Variants in ASAP1 observed in about 807,000 individuals in gnomAD.
ASAP1 encodes arf-GAP with SH3 domain, ANK repeat and PH domain-containing protein 1.
In ASAP1, 43 loss-of-function variants were observed where a neutral mutation model predicts 145.2. That is an observed-to-expected ratio of 0.30 (90% CI 0.23 to 0.38). The LOEUF (loss-of-function observed/expected upper bound fraction) is 0.38, where lower values mean the gene tolerates loss of function less well. Ranked by LOEUF, ASAP1 falls within the 10% of genes least tolerant of loss-of-function variation. The pLI is 1.00. For synonymous variants in ASAP1, 546 were observed against 515.5 expected (o/e 1.06, Z -0.80); for missense variants, 1,018 against 1,355.3 (o/e 0.75, Z 3.91).
intron 1 of ASAP1, among the ~76,000 whole-genome samples, chr8:130,405,673 G>C (rs906462440): frequency 3.3e-5 from 5 of 152,230 alleles, no homozygotes; most frequent in Non-Finnish European, 7.3e-5. Context: ...GATGAAGTGT[G>C]AAAGAGCTGT....
chr8:130,062,250 A>T (rs1021097784), intron 27 of ASAP1, among the ~76,000 whole-genome samples: 1 of 152,252 alleles, frequency 6.6e-6, no homozygotes, highest in Non-Finnish European at 1.5e-5. Context: ...AGTGACTCAC[A>T]TTAGGAATTT....
chr8:130,436,101 T>G (rs150208851), intron 1 of ASAP1, among the ~76,000 whole-genome samples: 1 of 152,254 alleles, frequency 6.6e-6, no homozygotes, highest in South Asian at 2.1e-4. Flanking sequence ...AGAACATTAG[T>G]ATATTTAAAA....
intron 3 of ASAP1, among the ~76,000 whole-genome samples, chr8:130,356,988 C>T (rs1826353939): frequency 6.6e-6 from 1 of 152,202 alleles, no homozygotes; most frequent in Admixed American, 6.5e-5. Context: ...CCAATGGTGC[C>T]ATTTTCAGTT....
intron 2 of ASAP1, among the ~76,000 whole-genome samples, chr8:130,400,748 G>A (rs1371519336): frequency 2.1e-5 from 3 of 144,144 alleles, no homozygotes; most frequent in African/African-American, 5.3e-5. Context: ...CCGAGATAGC[G>A]CCACTGCGCT....
At chr8:130,414,504 C>T (rs1390972574) in intron 1 of ASAP1, among the ~76,000 whole-genome samples, 2 of 152,158 alleles carry the variant, frequency 1.3e-5, no homozygotes, top group African/African-American at 4.8e-5. Flanking sequence ...CTCTGAACCT[C>T]AGTTTTCTCA....
At chr8:130,323,771 C>T (rs972789097) in intron 3 of ASAP1, among the ~76,000 whole-genome samples, 1 of 152,148 alleles carries the variant, frequency 6.6e-6, no homozygotes, top group Non-Finnish European at 1.5e-5. Context: ...GCTAGGCACT[C>T]AGCAGATCTT....
chr8:130,405,377 C>A (rs1828978784), intron 1 of ASAP1, among the ~76,000 whole-genome samples: 1 of 152,232 alleles, frequency 6.6e-6, no homozygotes, highest in African/African-American at 2.4e-5. Context: ...CCAAGCCAGG[C>A]TTCCTCTGCA....
chr8:130,229,041 A>G (rs1817754304), intron 4 of ASAP1, among the ~76,000 whole-genome samples: 1 of 152,202 alleles, frequency 6.6e-6, no homozygotes, highest in Non-Finnish European at 1.5e-5. Context: ...TGTGAATGCA[A>G]CAGACAAACT....
intron 11 of ASAP1, among the ~76,000 whole-genome samples, chr8:130,165,607 C>T (rs1279326578): frequency 4.6e-5 from 7 of 152,220 alleles, no homozygotes; most frequent in Non-Finnish European, 8.8e-5. Context: ...ACCACAGGTG[C>T]AGTCACTGCC....
intron 1 of ASAP1, among the ~76,000 whole-genome samples, chr8:130,410,275 T>C (rs896100747): frequency 2.0e-5 from 3 of 152,196 alleles, no homozygotes; most frequent in African/African-American, 4.8e-5. Context: ...ACTGGTACCA[T>C]AGGACCTACC....
intron 1 of ASAP1, among the ~76,000 whole-genome samples, chr8:130,414,981 C>G (rs1318031192): frequency 6.6e-6 from 1 of 152,250 alleles, no homozygotes; most frequent in Non-Finnish European, 1.5e-5. Flanking sequence ...TAGTCACGAA[C>G]TCCTGACCTC....
At chr8:130,437,827 C>T (rs984268345) in intron 1 of ASAP1, among the ~76,000 whole-genome samples, 2 of 152,206 alleles carry the variant, frequency 1.3e-5, no homozygotes, top group Non-Finnish European at 2.9e-5. Context: ...GTAACTCCCA[C>T]CACAGCTGGG....
At chr8:130,290,272 G>A (rs1299558126) in intron 3 of ASAP1, among the ~76,000 whole-genome samples, 3 of 152,084 alleles carry the variant, frequency 2.0e-5, no homozygotes, top group Non-Finnish European at 4.4e-5. Context: ...GTGCTACTCC[G>A]CCTCCTCACA....
chr8:130,079,594 T>G (rs557669429), intron 26 of ASAP1, among the ~76,000 whole-genome samples: 1 of 152,108 alleles, frequency 6.6e-6, no homozygotes, highest in Non-Finnish European at 1.5e-5. Context: ...TAAAAACTCA[T>G]TCTGACAGGA....
chr8:130,157,780 C>G (rs1275552829), intron 12 of ASAP1, among the ~76,000 whole-genome samples: 1 of 152,186 alleles, frequency 6.6e-6, no homozygotes, highest in African/African-American at 2.4e-5. Flanking sequence ...TTTGCTCAAA[C>G]ATCAACTTGA....
intron 5 of ASAP1, among the ~76,000 whole-genome samples, chr8:130,197,831 G>T (rs1172809127): frequency 1.3e-5 from 2 of 152,190 alleles, no homozygotes; most frequent in Non-Finnish European, 2.9e-5. Context: ...ACAGAAGATT[G>T]AGGCCCTGAG....
chr8:130,254,620 A>C (rs1279138482), intron 3 of ASAP1, among the ~76,000 whole-genome samples: 1 of 152,210 alleles, frequency 6.6e-6, no homozygotes, highest in African/African-American at 2.4e-5. Flanking sequence ...AATAAAATTC[A>C]ACTCAAAAGG....
rs925126899 is a variant in ASAP1, at chr8:130,331,736, T to C, written c.186+26281A>G. On this transcript the variant is annotated intron_variant, in intron 3 of 29. Coordinates refer to ENST00000518721, the MANE Select transcript of ASAP1 (RefSeq NM_018482.4). The stretch of plus-strand genomic sequence containing the variant: ...TGTAGCTAGTATTTTATTAGCAACA[T>C]TAAAAATACAAGCAAAGCATTTAAA... 2.0e-5 allele frequency among the ~76,000 whole-genome samples: 3 copies of C among 152,130 alleles called. No homozygotes were observed. In the South Asian group the frequency reaches 6.2e-4, roughly 32 times the overall value.
Position 130,357,998 on chromosome 8 carries a change from G to C in ASAP1, c.186+19C>G, listed in dbSNP as rs1826444105. On this transcript the variant is annotated intron_variant, in intron 3 of 29. Transcript: ENST00000518721. ...CGGCAGCGGCGAGCGTGGACGGCGG[G>C]GGTCCCGGCCCGACCTACCTCCTCC... 4 of 1,596,420 alleles carry C rather than the reference G, an allele frequency of 2.5e-6. No homozygotes were observed. The highest frequency in any genetic ancestry group is 3.4e-6 in the Non-Finnish European group (4 of 1,174,386).
Sources: gnomAD v4.1 joint callset for allele counts (sites outside exome capture counted in the v4.1 genomes callset) on GRCh38, gnomAD v4.1.1 for gene constraint, MANE v1.5 for transcripts, NCBI Gene and HGNC (gene_info 2026-07-23, HGNC 2026-07-21) for gene names.